TTC6: variants seen among roughly 807,000 people sequenced by gnomAD.
TTC6 encodes tetratricopeptide repeat domain 6, also known as tetratricopeptide repeat protein 6.
A neutral mutation model predicts 210.4 loss-of-function variants in TTC6; 172 were observed. The observed-to-expected ratio is 0.82, with a 90% CI of 0.72 to 0.93. The LOEUF (loss-of-function observed/expected upper bound fraction) is 0.93. Among genes scored for constraint, TTC6 ranks in the 40% least tolerant of loss-of-function variants. The probability of loss-of-function intolerance (pLI) is 0.00; values close to 1 mark genes in which losing one functional copy is unlikely to be tolerated. For missense variants in TTC6, 2,414 were observed against 2,318.1 expected, an observed-to-expected ratio of 1.04 and a Z score of -0.85; for synonymous variants, 804 against 819.6, an observed-to-expected ratio of 0.98 and a Z score of 0.32.
chr14:37,639,836 A>G (rs900766727), intron 1 of TTC6, among the ~76,000 whole-genome samples: 26 of 150,740 alleles, frequency 1.7e-4, no homozygotes, highest in Non-Finnish European at 3.5e-4. Flanking sequence ...CAGTGAGCCA[A>G]TCTTGTGCCA....
intron 1 of TTC6, among the ~76,000 whole-genome samples, chr14:37,669,356 G>A (rs1356170339): frequency 1.3e-5 from 2 of 152,160 alleles, no homozygotes; most frequent in East Asian, 1.9e-4. Context: ...TGGCACGTGT[G>A]CACCTGCCCC....
chr14:37,801,255 C>T (rs925017599), intron 20 of TTC6, among the ~76,000 whole-genome samples: 10 of 152,086 alleles, frequency 6.6e-5, no homozygotes, highest in African/African-American at 2.4e-4. Flanking sequence ...TACTTAAATG[C>T]CTCATCCAGA....
At chr14:37,692,208 C>CAAAAAAAAAAAAAAAAAAAAA (rs3062759) in intron 3 of TTC6, among the ~76,000 whole-genome samples, 7 of 40,154 alleles carry the variant, frequency 1.7e-4, no homozygotes, top group African/African-American at 2.5e-4. Context: ...AAAGACACAC[C>CAAAAAAAAAAAAAAAAAAAAA]AAAAAAAAAA....
At chr14:37,625,969 T>C (rs909118763) in intron 1 of TTC6, among the ~76,000 whole-genome samples, 12 of 152,216 alleles carry the variant, frequency 7.9e-5, no homozygotes, top group Non-Finnish European at 1.2e-4. Context: ...TAATTTTTCA[T>C]TGAAGGTGGC....
At chr14:37,809,357 A>G (rs1446364230) in intron 24 of TTC6, among the ~76,000 whole-genome samples, 1 of 144,780 alleles carries the variant, frequency 6.9e-6, no homozygotes, top group African/African-American at 2.6e-5. Context: ...GGTTCACGCC[A>G]TTCTCCCGCC....
chr14:37,830,544 A>G (rs558793581), intron 29 of TTC6, among the ~76,000 whole-genome samples: 23 of 150,066 alleles, frequency 1.5e-4, no homozygotes, highest in African/African-American at 5.4e-4. Flanking sequence ...TTTCTTTTGT[A>G]TTTTTCCTAA....
intron 29 of TTC6, among the ~76,000 whole-genome samples, chr14:37,838,810 C>G (rs1009693788): frequency 2.6e-5 from 4 of 152,170 alleles, no homozygotes; most frequent in African/African-American, 4.8e-5. Context: ...ATCCCTCCCC[C>G]ACCCACTGAC....
intron 2 of TTC6, among the ~76,000 whole-genome samples, chr14:37,680,897 CACAT>C (rs898513910): frequency 3.9e-5 from 6 of 152,224 alleles, no homozygotes; most frequent in African/African-American, 1.4e-4. Context: ...ATATGACCCC[CACAT>C]ACATAAAATC....
At chr14:37,826,264 C>G in exon 28 of TTC6, 10 of 1,612,682 alleles carry the variant, frequency 6.2e-6, no homozygotes, top group Non-Finnish European at 8.5e-6. Flanking sequence ...AAAGAACTAC[C>G]TAGCCTATGA....
intron 29 of TTC6, among the ~76,000 whole-genome samples, chr14:37,833,140 G>A (rs182999036): frequency 3.5e-4 from 53 of 151,888 alleles, no homozygotes; most frequent in African/African-American, 1.1e-3. Context: ...GGTCTGTAGT[G>A]CAGTTTAAAT....
intron 1 of TTC6, among the ~76,000 whole-genome samples, chr14:37,666,513 T>C (rs1206544121): frequency 6.7e-6 from 1 of 149,298 alleles, no homozygotes; most frequent in Non-Finnish European, 1.5e-5. Flanking sequence ...AATTTTCCAG[T>C]GTCATAGCAG....
chr14:37,729,829 T>A (rs2095881380), intron 7 of TTC6, among the ~76,000 whole-genome samples: 2 of 152,152 alleles, frequency 1.3e-5, no homozygotes, highest in Admixed American at 1.3e-4. Context: ...GTTTACAAAG[T>A]ATGGGCATAT....
chr14:37,630,521 A>T, intron 1 of TTC6, among the ~76,000 whole-genome samples: 1 of 152,194 alleles, frequency 6.6e-6, no homozygotes, highest in East Asian at 1.9e-4. Context: ...ATTTTAGAAT[A>T]AGTGCGATGT....
intron 1 of TTC6, among the ~76,000 whole-genome samples, chr14:37,605,173 A>G (rs1453000617): frequency 6.6e-6 from 1 of 152,226 alleles, no homozygotes; most frequent in South Asian, 2.1e-4. Flanking sequence ...TCAGATATAG[A>G]TATGTCTGCT....
intron 17 of TTC6, among the ~76,000 whole-genome samples, chr14:37,794,909 G>T (rs533996416): frequency 6.6e-6 from 1 of 151,968 alleles, no homozygotes; most frequent in Non-Finnish European, 1.5e-5. Flanking sequence ...GATGGATCAG[G>T]TTTGCTGAAA....
In TTC6 at chr14:37,817,663, A is replaced by G; in HGVS notation, c.4763+12A>G. On this transcript the variant is annotated intron_variant, in intron 26 of 30. Coordinates refer to ENST00000553443, the Ensembl canonical transcript of TTC6. The stretch of plus-strand genomic sequence containing the variant: ...ATGTGCCATCACAGGTATGGAGTGC[A>G]ATTGATGTCAAAGTGGAATCAAGCA... 1.2e-6 allele frequency: 2 copies of G among 1,613,048 alleles called. No homozygotes were observed. Among genetic ancestry groups the G allele is most frequent in the Non-Finnish European group, 1.7e-6 (2 of 1,179,152 alleles).
intron 5 of TTC6, among the ~76,000 whole-genome samples, chr14:37,712,753 C>G (rs775888482): frequency 2.0e-5 from 3 of 152,032 alleles, no homozygotes; most frequent in Non-Finnish European, 4.4e-5. Flanking sequence ...TAACCACTCC[C>G]GTAATTCAAT....
chr14:37,680,205 A>C (rs1454441514), exon 2 of TTC6: 1 of 1,534,552 alleles, frequency 6.5e-7, no homozygotes, highest in South Asian at 1.2e-5. Flanking sequence ...GCAAGCAGAA[A>C]CACCTGAGAT....
At chr14:37,686,033 C>G (rs2095793057) in intron 3 of TTC6, among the ~76,000 whole-genome samples, 1 of 151,994 alleles carries the variant, frequency 6.6e-6, no homozygotes, top group South Asian at 2.1e-4. Flanking sequence ...ATTTATTTTC[C>G]TAGAATTCCT....
Sources: gnomAD v4.1 joint callset for allele counts (sites outside exome capture counted in the v4.1 genomes callset) on GRCh38, gnomAD v4.1.1 for gene constraint, MANE v1.5 for transcripts, NCBI Gene and HGNC (gene_info 2026-07-23, HGNC 2026-07-21) for gene names.